AFG1L: variants seen among roughly 807,000 people sequenced by gnomAD.
The protein encoded by AFG1L is AFG1-like ATPase.
A neutral mutation model predicts 62.2 loss-of-function variants in AFG1L; 53 were observed. The ratio of observed to expected loss-of-function variants is 0.85; its 90% CI spans 0.68 to 1.07. AFG1L has a LOEUF of 1.07. Ranked by LOEUF, AFG1L falls within the 50% of genes least tolerant of loss-of-function variation. AFG1L has a pLI of 0.00. For missense variants in AFG1L, 555 were observed against 590.5 expected (o/e 0.94, Z 0.62); for synonymous variants, 228 against 210.3 (o/e 1.08, Z -0.73).
At chr6:108,462,245 TA>T (rs917566812) in intron 8 of AFG1L, among the ~76,000 whole-genome samples, 7 of 151,458 alleles carry the variant, frequency 4.6e-5, no homozygotes, top group Admixed American at 2.0e-4. Flanking sequence ...CTACAAAGGT[TA>T]AAAAAAAGCT....
intron 8 of AFG1L, among the ~76,000 whole-genome samples, chr6:108,475,140 C>A (rs942844581): frequency 6.6e-6 from 1 of 152,022 alleles, no homozygotes; most frequent in Non-Finnish European, 1.5e-5. Flanking sequence ...ATTTATTAAA[C>A]AGGAAATCCT....
At chr6:108,332,139 A>G (rs141756850) in intron 2 of AFG1L, among the ~76,000 whole-genome samples, 242 of 152,338 alleles carry the variant, frequency 1.6e-3, no homozygotes, top group African/African-American at 4.9e-3. Flanking sequence ...ATCTTTATTT[A>G]CAAAAACAAG....
intron 10 of AFG1L, among the ~76,000 whole-genome samples, chr6:108,503,371 G>T (rs1774276986): frequency 6.6e-6 from 1 of 152,174 alleles, no homozygotes; most frequent in Non-Finnish European, 1.5e-5. Context: ...CTGCAGAATG[G>T]ATGTTGTGTT....
chr6:108,439,029 T>C (rs1272006368), intron 7 of AFG1L, among the ~76,000 whole-genome samples: 1 of 152,146 alleles, frequency 6.6e-6, no homozygotes, highest in African/African-American at 2.4e-5. Context: ...GTGAGAGAAC[T>C]TCACGATAAT....
At chr6:108,322,297 G>A (rs1777842151) in intron 1 of AFG1L, among the ~76,000 whole-genome samples, 1 of 152,174 alleles carries the variant, frequency 6.6e-6, no homozygotes, top group South Asian at 2.1e-4. Flanking sequence ...CAGGCTTTGT[G>A]TATCTTGTTG....
chr6:108,310,063 G>A (rs576284894), intron 1 of AFG1L, among the ~76,000 whole-genome samples: 1 of 152,280 alleles, frequency 6.6e-6, no homozygotes, highest in East Asian at 1.9e-4. Flanking sequence ...TCAGAGATCG[G>A]TCCAGGTGGG....
At chr6:108,385,490 A>C (rs1172560273) in intron 6 of AFG1L, among the ~76,000 whole-genome samples, 1 of 152,224 alleles carries the variant, frequency 6.6e-6, no homozygotes, top group Non-Finnish European at 1.5e-5. Flanking sequence ...CCCATAAGGA[A>C]TACTTGTAGT....
rs1775292034 is a variant in AFG1L, at chr6:108,525,596, T to G, written c.*3171T>G. 6.6e-6 allele frequency: 1 copy of G among 152,238 alleles called. No individual in the cohort carries two copies. The highest frequency in any genetic ancestry group is 1.5e-5 in the Non-Finnish European group (1 of 68,046). The allele number at this position is 152,238 out of a possible 1,614,324, so 9.4% of individuals were successfully genotyped here. On this transcript the variant is annotated 3_prime_UTR_variant, in exon 13 of 13. Transcript: ENST00000368977. ...ATTTATTTAAGAAACACATGATGTT[T>G]TCTGTGTCCTGGGCATGGTTCTATG...
intron 5 of AFG1L, among the ~76,000 whole-genome samples, chr6:108,363,510 A>G (rs1039032894): frequency 6.6e-6 from 1 of 152,124 alleles, no homozygotes; most frequent in African/African-American, 2.4e-5. Flanking sequence ...TTGGTTGGTG[A>G]AATAAATAAT....
intron 7 of AFG1L, among the ~76,000 whole-genome samples, chr6:108,420,681 T>C (rs1396692005): frequency 6.6e-6 from 1 of 151,872 alleles, no homozygotes; most frequent in African/African-American, 2.4e-5. Flanking sequence ...ATTTTAGGTG[T>C]ATGCCTTTTA....
At chr6:108,322,344 C>A (rs1239700881) in intron 1 of AFG1L, among the ~76,000 whole-genome samples, 4 of 152,126 alleles carry the variant, frequency 2.6e-5, no homozygotes, top group African/African-American at 7.2e-5. Flanking sequence ...CATCTCATTG[C>A]CTCTTCCAGC....
chr6:108,317,469 GT>G (rs1490080763), intron 1 of AFG1L, among the ~76,000 whole-genome samples: 11 of 152,130 alleles, frequency 7.2e-5, no homozygotes, highest in South Asian at 2.1e-4. Context: ...ATGAGTCCAG[GT>G]GGGGTCAGTC....
intron 3 of AFG1L, among the ~76,000 whole-genome samples, chr6:108,352,738 T>A (rs1001557564): frequency 1.3e-5 from 2 of 151,640 alleles, no homozygotes; most frequent in East Asian, 3.9e-4. Context: ...CTAATTTTTA[T>A]ATTTTTTTGT....
chr6:108,400,336 T>C, intron 6 of AFG1L, among the ~76,000 whole-genome samples: 1 of 151,714 alleles, frequency 6.6e-6, no homozygotes. Context: ...CTGTCATATA[T>C]AGTTTTTATT....
chr6:108,315,728 G>C (rs959710231), intron 1 of AFG1L, among the ~76,000 whole-genome samples: 6 of 152,132 alleles, frequency 3.9e-5, no homozygotes, highest in Non-Finnish European at 8.8e-5. Flanking sequence ...GAGCCACTGT[G>C]CCCAGCCCAA....
intron 10 of AFG1L, among the ~76,000 whole-genome samples, chr6:108,477,624 GA>G (rs1316484158): frequency 3.3e-5 from 5 of 152,080 alleles, no homozygotes; most frequent in Admixed American, 1.3e-4. Context: ...TGAGAGTTAG[GA>G]AAAAGGAAGA....
intron 2 of AFG1L, chr6:108,344,795 G>T (rs779940319): frequency 8.5e-6 from 4 of 471,108 alleles, no homozygotes; most frequent in Non-Finnish European, 1.8e-5. Context: ...CTGCTGCAGA[G>T]TATGAAGGTT....
intron 2 of AFG1L, among the ~76,000 whole-genome samples, chr6:108,339,990 T>C (rs1228993969): frequency 5.3e-5 from 8 of 152,134 alleles, no homozygotes; most frequent in Admixed American, 5.2e-4. Flanking sequence ...GTAGGACTTA[T>C]TCTTTCTGTT....
intron 6 of AFG1L, among the ~76,000 whole-genome samples, chr6:108,384,962 C>T (rs1780700926): frequency 6.6e-6 from 1 of 151,988 alleles, no homozygotes; most frequent in Non-Finnish European, 1.5e-5. Context: ...TAACATATTT[C>T]CAATTAGAAT....
Sources: allele counts gnomAD v4.1 joint callset (sites outside exome capture counted in the v4.1 genomes callset), GRCh38; gene constraint gnomAD v4.1.1; transcripts MANE v1.5; gene names NCBI Gene and HGNC (gene_info 2026-07-23, HGNC 2026-07-21).